Variants in ZFHX4 observed in about 807,000 individuals in gnomAD.
ZFHX4 encodes the protein zinc finger homeobox 4.
ZFHX4 carries 56 observed loss-of-function variants against 267.6 expected under a neutral mutation model. The observed-to-expected ratio is 0.21, with a 90% CI of 0.17 to 0.26. The LOEUF is 0.26. Ranked by LOEUF, ZFHX4 falls within the 10% of genes least tolerant of loss-of-function variation. ZFHX4 has a pLI of 1.00. For synonymous variants in ZFHX4, 1,778 were observed against 1,665.6 expected (o/e 1.07, Z -1.64); for missense variants, 4,332 against 4,420.0 (o/e 0.98, Z 0.56).
At chr8:76,783,239 G>T (rs996384548) in intron 4 of ZFHX4, among the ~76,000 whole-genome samples, 1 of 152,040 alleles carries the variant, frequency 6.6e-6, no homozygotes, top group African/African-American at 2.4e-5. Context: ...GAGAAAGGCA[G>T]TCTTTTATCA....
In ZFHX4 at chr8:76,707,999, G is replaced by A. The variant is rs759577729; in HGVS notation, c.3044G>A (p.Arg1015His). The change falls in exon 3 of 11, where the codon CGC becomes CAC. Residue 1015 changes from arginine (R) to histidine (H), a missense_variant. Physicochemically the swap from Arg to His is conservative, Grantham distance 29. Around this residue, in one of 7 missense-constraint regions of ZFHX4, gnomAD observed 1,371 missense variants for 1,423.1 expected, o/e 0.96. Coordinates refer to ENST00000651372, the MANE Select transcript of ZFHX4 (RefSeq NM_024721.5). The part of the protein sequence containing the change: ...DYYTNSVDKL[R>H]LHTTNHRHEA... ...TACACCAACAGTGTGGATAAATTAC[G>A]CTTGCATACCACCAATCACAGGCAC... The A allele has an allele frequency of 1.9e-5, 30 of 1,613,734 alleles. No homozygotes were observed. Among genetic ancestry groups the A allele is most frequent in the East Asian group, 4.5e-5 (2 of 44,878 alleles).
intron 3 of ZFHX4, among the ~76,000 whole-genome samples, chr8:76,734,950 A>G (rs1809118302): frequency 6.6e-6 from 1 of 152,146 alleles, no homozygotes; most frequent in African/African-American, 2.4e-5. Context: ...TCAGACATAC[A>G]CAAAATTGTT....
chr8:76,774,611 T>C (rs1810356674), intron 3 of ZFHX4, among the ~76,000 whole-genome samples: 1 of 152,064 alleles, frequency 6.6e-6, no homozygotes, highest in Admixed American at 6.6e-5. Flanking sequence ...AAAAAGGAGA[T>C]ACTTCAAAGC....
intron 4 of ZFHX4, among the ~76,000 whole-genome samples, chr8:76,804,126 T>C (rs2131832162): frequency 6.6e-6 from 1 of 152,190 alleles, no homozygotes; most frequent in South Asian, 2.1e-4. Context: ...TAAAATATTA[T>C]TTTATGAAAG....
In ZFHX4 at chr8:76,853,041, C is replaced by T. The variant is rs1331760409; in HGVS notation, c.6120C>T (p.Pro2040=). 1.5e-6 allele frequency: 2 copies of T among 1,342,324 alleles called. No homozygotes were observed. Among genetic ancestry groups the T allele is most frequent in the Admixed American group, 4.0e-5 (2 of 49,550 alleles). The allele number at this position is 1,342,324 out of a possible 1,614,324, so 83.2% of individuals were successfully genotyped here. ...CTACTCCTCTGCAAGCTCCACCACC[C>T]ACTCCTCCCCCACCACCACCACCTC... ...TVSTPLQAPP[P]TPPPPPPPPP... The change falls in exon 10 of 11, where the codon CCC becomes CCT. Residue 2040 remains proline, a synonymous_variant. Coordinates refer to ENST00000651372, the MANE Select transcript of ZFHX4 (RefSeq NM_024721.5).
chr8:76,721,595 T>C (rs776816124), intron 3 of ZFHX4, among the ~76,000 whole-genome samples: 27 of 152,216 alleles, frequency 1.8e-4, no homozygotes, highest in Non-Finnish European at 3.2e-4. Context: ...CAGAAGTTTG[T>C]AAGGACATTT....
rs2131986701 is a variant in ZFHX4, at chr8:76,864,628, CTT to C, written c.*65_*66del. 1.6e-6 allele frequency: 2 copies of C among 1,237,386 alleles called. No individual in the cohort carries two copies. The highest frequency in any genetic ancestry group is 1.5e-5 in the African/African-American group (1 of 65,722). 76.7% of individuals were successfully genotyped at this position (1,237,386 alleles called of 1,614,324 possible). A position where few individuals can be genotyped will look rare whatever the true frequency, so the allele number is the denominator to read the frequency against. The stretch of plus-strand genomic sequence containing the variant: ...ATAAAAAAATAAAAAAAAAATAAGA[CTT>C]TAACTGCAGTTCCAAAGCTTCTCTA... On this transcript the variant is annotated 3_prime_UTR_variant, in exon 11 of 11. Transcript: ENST00000651372.
At chr8:76,747,363 T>A (rs1809485836) in intron 3 of ZFHX4, among the ~76,000 whole-genome samples, 1 of 152,180 alleles carries the variant, frequency 6.6e-6, no homozygotes, top group African/African-American at 2.4e-5. Context: ...GTACAAATGA[T>A]GTCACCATCC....
chr8:76,866,966 T>C lies in ZFHX4; in HGVS notation c.*2401T>C, dbSNP rs1240356953. Reference sequence around the variant, plus strand: ...ATGTACTCTCAACGCCTGGGTTACATAGGAAATGCACCCTGAGGTTTTAAT... The same window carrying C: ...ATGTACTCTCAACGCCTGGGTTACACAGGAAATGCACCCTGAGGTTTTAAT... On this transcript the variant is annotated 3_prime_UTR_variant, in exon 11 of 11. Coordinates refer to ENST00000651372, the MANE Select transcript of ZFHX4 (RefSeq NM_024721.5). 2 of 152,574 alleles carry C rather than the reference T, an allele frequency of 1.3e-5. No homozygotes were observed. The highest frequency in any genetic ancestry group is 4.8e-5 in the African/African-American group (2 of 41,448). The allele number at this position is 152,574 out of a possible 1,614,324, so 9.5% of individuals were successfully genotyped here.
In ZFHX4 at chr8:76,698,117, A is replaced by G. The variant is rs553061017; in HGVS notation, c.-46-5926A>G. Among the ~76,000 whole-genome samples, 66 of 152,272 alleles carry G rather than the reference A, an allele frequency of 4.3e-4. No homozygotes were observed. In the South Asian group the frequency reaches 0.013, roughly 30 times the overall value. On this transcript the variant is annotated intron_variant, in intron 1 of 10. Coordinates refer to ENST00000651372, the MANE Select transcript of ZFHX4 (RefSeq NM_024721.5). ...AAAGACTCAGAAAGAGGCACTGAAC[A>G]TAATTACAGTTCATGTCCTTGTCTC...
chr8:76,863,452 A>G lies in ZFHX4; in HGVS notation c.9738A>G (p.Leu3246=). The change falls in exon 11 of 11, where the codon TTA becomes TTG. Residue 3246 remains leucine, a synonymous_variant. Coordinates refer to ENST00000651372, the MANE Select transcript of ZFHX4 (RefSeq NM_024721.5). The stretch of plus-strand genomic sequence containing the variant: ...TCGATCCTATTCAGTTGCAGGCATT[A>G]CAGAATGCAATTGCTGGTGACCCAG... The part of the protein sequence containing the change: ...THVDPIQLQA[L]QNAIAGDPAS... The G allele has an allele frequency of 6.2e-7, 1 of 1,613,890 alleles. No homozygotes were observed. The highest frequency in any genetic ancestry group is 1.1e-5 in the South Asian group (1 of 91,032).
intron 1 of ZFHX4, among the ~76,000 whole-genome samples, chr8:76,702,453 C>G (rs1808129546): frequency 1.3e-5 from 2 of 152,094 alleles, no homozygotes; most frequent in African/African-American, 4.8e-5. Flanking sequence ...ATGCCAGTGA[C>G]CTTCACTGAT....
intron 6 of ZFHX4, among the ~76,000 whole-genome samples, chr8:76,843,311 GA>G (rs1319047721): frequency 1.3e-5 from 2 of 152,126 alleles, no homozygotes; most frequent in Admixed American, 6.6e-5. Flanking sequence ...AAAATCCAGT[GA>G]AAAAGTTTAC....
chr8:76,830,993 C>G (rs1207841605), intron 4 of ZFHX4, among the ~76,000 whole-genome samples: 1 of 152,076 alleles, frequency 6.6e-6, no homozygotes, highest in Non-Finnish European at 1.5e-5. Context: ...TTATACGAGA[C>G]AGACAAGGGT....
chr8:76,790,746 T>C (rs1810814492), intron 4 of ZFHX4, among the ~76,000 whole-genome samples: 1 of 152,166 alleles, frequency 6.6e-6, no homozygotes, highest in Non-Finnish European at 1.5e-5. Flanking sequence ...TATTTGTGTG[T>C]GTGTGTGTAA....
chr8:76,720,918 C>G (rs1437534502), intron 3 of ZFHX4, among the ~76,000 whole-genome samples: 1 of 152,192 alleles, frequency 6.6e-6, no homozygotes, highest in Non-Finnish European at 1.5e-5. Flanking sequence ...ACAGTGATAA[C>G]TCAGTCAGGA....
intron 6 of ZFHX4, among the ~76,000 whole-genome samples, chr8:76,845,700 A>G (rs539976608): frequency 6.6e-6 from 1 of 152,118 alleles, no homozygotes; most frequent in Non-Finnish European, 1.5e-5. Context: ...TAAACCGTTT[A>G]CAGCCTTCTG....
intron 3 of ZFHX4, among the ~76,000 whole-genome samples, chr8:76,736,462 G>A (rs1474893822): frequency 6.6e-6 from 1 of 152,074 alleles, no homozygotes; most frequent in African/African-American, 2.4e-5. Flanking sequence ...CATTTATTAT[G>A]GTGAAATATT....
chr8:76,797,908 G>C (rs1811021609), intron 4 of ZFHX4, among the ~76,000 whole-genome samples: 1 of 151,626 alleles, frequency 6.6e-6, no homozygotes, highest in African/African-American at 2.4e-5. Context: ...GTGTGTGTGT[G>C]TGTGTGTGTG....
Sources: gnomAD v4.1 joint callset for allele counts (sites outside exome capture counted in the v4.1 genomes callset) on GRCh38, gnomAD v4.1.1 for gene constraint, gnomAD v4.1.1 regional missense constraint, MANE v1.5 for transcripts, NCBI Gene and HGNC (gene_info 2026-07-23, HGNC 2026-07-21) for gene names.